The following TMEM161B variants were observed in gnomAD, a reference collection of about 807,000 sequenced individuals.
TMEM161B encodes transmembrane protein 161B.
In TMEM161B, 34 loss-of-function variants were observed where a neutral mutation model predicts 61.8. That is an observed-to-expected ratio of 0.55 (90% CI 0.42 to 0.73). The LOEUF (loss-of-function observed/expected upper bound fraction) is 0.73. Ranked by LOEUF, TMEM161B falls within the 30% of genes least tolerant of loss-of-function variation. The pLI is 0.00. For synonymous variants in TMEM161B, 167 were observed against 192.8 expected (o/e 0.87, Z 1.11); for missense variants, 456 against 558.5 (o/e 0.82, Z 1.85).
intron 9 of TMEM161B, chr5:88,199,987 G>C (rs1231766574): frequency 6.6e-6 from 1 of 151,844 alleles, no homozygotes; most frequent in Non-Finnish European, 1.5e-5. Flanking sequence ...CTATTGTAAT[G>C]CACAGACTCA....
At chr5:88,204,558 G>C (rs1745069930) in intron 8 of TMEM161B, among the ~76,000 whole-genome samples, 1 of 152,202 alleles carries the variant, frequency 6.6e-6, no homozygotes, top group African/African-American at 2.4e-5. Flanking sequence ...AGCCCACAGC[G>C]GTTTCAGTAG....
chr5:88,216,780 C>T (rs1747937318), intron 5 of TMEM161B, among the ~76,000 whole-genome samples: 1 of 152,186 alleles, frequency 6.6e-6, no homozygotes, highest in Admixed American at 6.5e-5. Context: ...TTCCTCTGCT[C>T]ATTCTCACAA....
chr5:88,252,912 C>T (rs181914177), intron 1 of TMEM161B, among the ~76,000 whole-genome samples: 69 of 152,232 alleles, frequency 4.5e-4, no homozygotes, highest in African/African-American at 1.6e-3. Flanking sequence ...GTGTTCCATT[C>T]GATTACTGTC....
chr5:88,198,917 T>C, intron 10 of TMEM161B, 59 bp downstream of exon 10: 1 of 1,491,012 alleles, frequency 6.7e-7, no homozygotes, highest in Non-Finnish European at 9.0e-7. Context: ...ACCAATTTTT[T>C]TTTTTTTTTA....
At chr5:88,237,665 A>C (rs2112635680) in intron 2 of TMEM161B, among the ~76,000 whole-genome samples, 1 of 152,250 alleles carries the variant, frequency 6.6e-6, no homozygotes, top group Non-Finnish European at 1.5e-5. Flanking sequence ...TATCAGTATA[A>C]AATTTTAAAC....
At chr5:88,216,583 T>C (rs553293374) in intron 5 of TMEM161B, among the ~76,000 whole-genome samples, 2 of 152,226 alleles carry the variant, frequency 1.3e-5, no homozygotes, top group African/African-American at 4.8e-5. Context: ...GGATATTGAC[T>C]CTTAAGACTT....
Position 88,199,101 on chromosome 5 carries a change from G to A in TMEM161B, c.964C>T (p.Leu322=). The A allele has an allele frequency of 6.2e-7, 1 of 1,612,826 alleles. No homozygotes were observed. Among genetic ancestry groups the A allele is most frequent in the African/African-American group, 1.3e-5 (1 of 74,930 alleles). Residue 322 remains leucine, a synonymous_variant, in exon 10 of 12, where the codon CTG becomes TTG. Transcript: ENST00000296595. ...ATCATGGCCAACCGCAAAGCACACA[G>A]CAGGATTATTAACCAGAGTCGCAGA... ...DTLRLWLIIL[L]CALRLAMMRS...
At chr5:88,226,009 G>A in intron 3 of TMEM161B, 143 bp from the exon 4 acceptor site, 1 of 530,800 alleles carries the variant, frequency 1.9e-6, no homozygotes, top group Non-Finnish European at 3.3e-6. Context: ...AGGAGGTAAA[G>A]TACTCAAAGG....
At chr5:88,224,427 T>C (rs1363224375) in intron 4 of TMEM161B, among the ~76,000 whole-genome samples, 1 of 152,200 alleles carries the variant, frequency 6.6e-6, no homozygotes, top group Non-Finnish European at 1.5e-5. Context: ...AATAATTTCA[T>C]ATTAATATTA....
In TMEM161B at chr5:88,195,854, A is replaced by G; in HGVS notation, c.*357T>C. 9.8e-7 allele frequency: 1 copy of G among 1,023,782 alleles called. No individual in the cohort carries two copies. Among genetic ancestry groups the G allele is most frequent in the Non-Finnish European group, 1.2e-6 (1 of 855,138 alleles). 63.4% of individuals were successfully genotyped at this position (1,023,782 alleles called of 1,614,324 possible). The stretch of plus-strand genomic sequence containing the variant: ...CTATGACTATCAACAGTACCATAAA[A>G]CCATTAAAAGCAATCAATAACTAGA... On this transcript the variant is annotated 3_prime_UTR_variant, in exon 12 of 12. Transcript: ENST00000296595.
intron 5 of TMEM161B, among the ~76,000 whole-genome samples, chr5:88,218,541 A>C (rs931219880): frequency 2.6e-5 from 4 of 152,198 alleles, no homozygotes; most frequent in Non-Finnish European, 1.5e-5. Flanking sequence ...TAATCTCAGC[A>C]CTCTGGAAGG....
At chr5:88,213,137 C>A (rs151267451) in intron 5 of TMEM161B, among the ~76,000 whole-genome samples, 2 of 151,984 alleles carry the variant, frequency 1.3e-5, no homozygotes, top group African/African-American at 4.8e-5. Context: ...GAAAAGGCAA[C>A]TAAAATACTC....
intron 1 of TMEM161B, among the ~76,000 whole-genome samples, chr5:88,255,880 A>T (rs1472880173): frequency 6.6e-6 from 1 of 152,136 alleles, no homozygotes; most frequent in Non-Finnish European, 1.5e-5. Flanking sequence ...TACATTCTAA[A>T]TTTTTTAAAG....
intron 5 of TMEM161B, among the ~76,000 whole-genome samples, chr5:88,210,123 G>C (rs1028543264): frequency 2.0e-5 from 3 of 152,122 alleles, no homozygotes; most frequent in Admixed American, 2.0e-4. Flanking sequence ...TCTTCCACTT[G>C]AAAATTAATT....
chr5:88,256,180 AAAGAT>A (rs1450948475), intron 1 of TMEM161B, among the ~76,000 whole-genome samples: 1 of 152,182 alleles, frequency 6.6e-6, no homozygotes, highest in Non-Finnish European at 1.5e-5. Context: ...GTTTATTTTA[AAAGAT>A]AACTTTCCAC....
chr5:88,250,590 CA>C, intron 1 of TMEM161B: 1 of 152,212 alleles, frequency 6.6e-6, no homozygotes, highest in Non-Finnish European at 1.5e-5. Context: ...TAGGTTGGCC[CA>C]AAAGGCGCCA....
intron 1 of TMEM161B, among the ~76,000 whole-genome samples, chr5:88,265,314 C>T (rs753152759): frequency 2.7e-4 from 41 of 152,230 alleles, no homozygotes; most frequent in Middle Eastern, 3.4e-3. Context: ...TCATGGAAGA[C>T]GATTTTTTCA....
intron 1 of TMEM161B, among the ~76,000 whole-genome samples, chr5:88,248,601 T>C (rs1236220533): frequency 1.3e-5 from 2 of 151,818 alleles, no homozygotes; most frequent in Non-Finnish European, 2.9e-5. Flanking sequence ...GGTACCTCTG[T>C]TTTTCCCAGG....
At chr5:88,205,024 A>G (rs1330311843) in intron 8 of TMEM161B, among the ~76,000 whole-genome samples, 1 of 152,210 alleles carries the variant, frequency 6.6e-6, no homozygotes, top group African/African-American at 2.4e-5. Flanking sequence ...TCAAAATGAA[A>G]TATTCTCAAG....
Sources: gnomAD v4.1 joint callset for allele counts (sites outside exome capture counted in the v4.1 genomes callset) on GRCh38, gnomAD v4.1.1 for gene constraint, MANE v1.5 for transcripts, NCBI Gene and HGNC (gene_info 2026-07-23, HGNC 2026-07-21) for gene names.